Variants in TMIGD1 observed in about 807,000 individuals in gnomAD.
TMIGD1 encodes the protein transmembrane and immunoglobulin domain containing 1.
In TMIGD1, 29 loss-of-function variants were observed where a neutral mutation model predicts 27.5. The observed-to-expected ratio is 1.05, with a 90% CI of 0.78 to 1.44. The LOEUF (loss-of-function observed/expected upper bound fraction) is 1.44, where lower values mean the gene tolerates loss of function less well. TMIGD1 is among the 40% of genes most tolerant of loss of function. TMIGD1 has a pLI of 0.00. For missense variants in TMIGD1, 334 were observed against 310.6 expected, an observed-to-expected ratio of 1.08 and a Z score of -0.57; for synonymous variants, 109 against 110.3, an observed-to-expected ratio of 0.99 and a Z score of 0.07.
chr17:30,322,362 C>T (rs1354370374), intron 4 of TMIGD1, among the ~76,000 whole-genome samples: 1 of 151,846 alleles, frequency 6.6e-6, no homozygotes, highest in Non-Finnish European at 1.5e-5. Context: ...CCTCTATTTG[C>T]AAGATATCAA....
chr17:30,318,037 C>T (rs891684404), intron 5 of TMIGD1, among the ~76,000 whole-genome samples: 15 of 151,704 alleles, frequency 9.9e-5, no homozygotes, highest in African/African-American at 3.6e-4. Context: ...CACTGCACTC[C>T]AGCCTGGGAG....
At chr17:30,318,201 A>G (rs1275525253) in intron 5 of TMIGD1, among the ~76,000 whole-genome samples, 3 of 152,210 alleles carry the variant, frequency 2.0e-5, no homozygotes, top group South Asian at 4.1e-4. Flanking sequence ...CCCTGTTGCT[A>G]TGTGTTCCAA....
At chr17:30,328,920 C>T (rs1160926755) in intron 3 of TMIGD1, among the ~76,000 whole-genome samples, 6 of 143,862 alleles carry the variant, frequency 4.2e-5, no homozygotes, top group East Asian at 4.0e-4. Flanking sequence ...GCCGAGATTG[C>T]GCCACTGAAC....
chr17:30,332,800 A>C (rs1435649181), intron 1 of TMIGD1, among the ~76,000 whole-genome samples: 1 of 152,050 alleles, frequency 6.6e-6, no homozygotes, highest in Non-Finnish European at 1.5e-5. Context: ...GATATTCTCC[A>C]TTTCCATCTG....
At chr17:30,318,374 C>G (rs1369785340) in intron 5 of TMIGD1, among the ~76,000 whole-genome samples, 1 of 152,212 alleles carries the variant, frequency 6.6e-6, no homozygotes, top group Non-Finnish European at 1.5e-5. Context: ...CTTTATAATT[C>G]AAACACCAGT....
At chr17:30,322,263 T>G (rs1264332679) in intron 4 of TMIGD1, among the ~76,000 whole-genome samples, 1 of 152,200 alleles carries the variant, frequency 6.6e-6, no homozygotes, top group Non-Finnish European at 1.5e-5. Context: ...GGAGAAACTT[T>G]GCTCAGGGAG....
chr17:30,317,191 A>G lies in TMIGD1; in HGVS notation c.785+2T>C. On this transcript the variant is annotated splice_donor_variant, in intron 6 of 6. Coordinates refer to ENST00000328886, the MANE Select transcript of TMIGD1 (RefSeq NM_206832.3). LOFTEE classifies it high-confidence loss of function. ...GCACTGGTCCCGGCCTAGAGTACTT[A>G]CAGAGCTGTTTCACTGTGAGGGTCT... The G allele has an allele frequency of 6.2e-7, 1 of 1,614,040 alleles. No homozygotes were observed. The highest frequency in any genetic ancestry group is 1.1e-5 in the South Asian group (1 of 91,086).
intron 3 of TMIGD1, among the ~76,000 whole-genome samples, chr17:30,325,801 G>T (rs1186824854): frequency 6.6e-6 from 1 of 152,110 alleles, no homozygotes; most frequent in African/African-American, 2.4e-5. Context: ...CCTCCTCCCA[G>T]AAGGTGTTCT....
chr17:30,327,166 T>A (rs1909810147), intron 3 of TMIGD1, among the ~76,000 whole-genome samples: 1 of 152,124 alleles, frequency 6.6e-6, no homozygotes, highest in Non-Finnish European at 1.5e-5. Flanking sequence ...TTTCTTTAAG[T>A]CATCAAATCA....
At chr17:30,316,891 T>C (rs955655750) in intron 6 of TMIGD1, 7 of 642,384 alleles carry the variant, frequency 1.1e-5, no homozygotes, top group Non-Finnish European at 1.9e-5. Context: ...TGTAAAGCAG[T>C]ATGGACCAGT....
At chr17:30,329,759 T>A (rs1909912110) in intron 2 of TMIGD1, among the ~76,000 whole-genome samples, 1 of 152,058 alleles carries the variant, frequency 6.6e-6, no homozygotes, top group Non-Finnish European at 1.5e-5. Context: ...TTGTGCACAT[T>A]GGAATCACCA....
rs28734140 is a variant in TMIGD1, at chr17:30,324,260, A to G, written c.640+556T>C. On this transcript the variant is annotated intron_variant, in intron 4 of 6. Transcript: ENST00000328886. Reference sequence around the variant, plus strand: ...AAGAAATATGAGGAGGGAAAACCCCACAGAGCATCATTTGTTCTGTCATTG... The same window carrying G: ...AAGAAATATGAGGAGGGAAAACCCCGCAGAGCATCATTTGTTCTGTCATTG... Among the ~76,000 whole-genome samples, 1,222 of 152,282 alleles carry G rather than the reference A, an allele frequency of 8.0e-3. 20 individuals carry two copies. Among genetic ancestry groups the G allele is most frequent in the African/African-American group, 0.028 (1,153 of 41,560 alleles).
At chr17:30,325,197 T>C in intron 3 of TMIGD1, 103 bp from the exon 4 acceptor site, 3 of 1,282,672 alleles carry the variant, frequency 2.3e-6, no homozygotes, top group South Asian at 1.5e-5. Flanking sequence ...ATTTATTCAT[T>C]TGACAAAAAT....
At chr17:30,325,124 A>T in intron 3 of TMIGD1, 30 bp from the exon 4 acceptor site, 1 of 1,584,542 alleles carries the variant, frequency 6.3e-7, no homozygotes, top group Non-Finnish European at 8.6e-7. Flanking sequence ...AGATTTAATT[A>T]GCAGATAAGC....
At position 30,320,402 on chromosome 17, in the gene TMIGD1, T is replaced by G. The variant is rs77844912; in HGVS notation, c.641-1489A>C. Among the ~76,000 whole-genome samples, 712 of 152,180 alleles carry G rather than the reference T, an allele frequency of 4.7e-3. 3 individuals carry two copies. The highest frequency in any genetic ancestry group is 8.5e-3 in the South Asian group (41 of 4,820). The stretch of plus-strand genomic sequence containing the variant: ...GTGTTTGCAAGCTTTCTAAGAGCCT[T>G]TGAAAATATTTGAGACCCAGAAAAA... On this transcript the variant is annotated intron_variant, in intron 4 of 6. Coordinates refer to ENST00000328886, the MANE Select transcript of TMIGD1 (RefSeq NM_206832.3).
intron 3 of TMIGD1, 145 bp from the exon 4 acceptor site, chr17:30,325,239 G>T: frequency 1.3e-6 from 1 of 762,918 alleles, no homozygotes; most frequent in Non-Finnish European, 2.1e-6. Context: ...ACAAGCACTG[G>T]GGTAACAAGG....
At chr17:30,331,664 C>G (rs1395492595) in intron 2 of TMIGD1, among the ~76,000 whole-genome samples, 1 of 150,992 alleles carries the variant, frequency 6.6e-6, no homozygotes, top group Non-Finnish European at 1.5e-5. Flanking sequence ...GGCTCACTCA[C>G]TGCAAGCTCC....
intron 4 of TMIGD1, among the ~76,000 whole-genome samples, chr17:30,321,326 A>G (rs1457674946): frequency 6.6e-6 from 1 of 152,190 alleles, no homozygotes; most frequent in Non-Finnish European, 1.5e-5. Flanking sequence ...GTAACAAAGT[A>G]AAAGTGCTTC....
chr17:30,325,886 C>G (rs1041437907), intron 3 of TMIGD1, among the ~76,000 whole-genome samples: 6 of 151,456 alleles, frequency 4.0e-5, no homozygotes, highest in African/African-American at 1.5e-4. Flanking sequence ...CTCCTTTTTT[C>G]CTCTACAATA....
Sources: allele counts gnomAD v4.1 joint callset (sites outside exome capture counted in the v4.1 genomes callset), GRCh38; gene constraint gnomAD v4.1.1; transcripts MANE v1.5; gene names NCBI Gene and HGNC (gene_info 2026-07-23, HGNC 2026-07-21).